Variants in MARCHF1 observed in about 807,000 individuals in gnomAD.
The protein encoded by MARCHF1 is E3 ubiquitin-protein ligase MARCHF1.
MARCHF1 carries 40 observed loss-of-function variants against 54.2 expected under a neutral mutation model. That is an observed-to-expected ratio of 0.74 (90% CI 0.57 to 0.96). The LOEUF is 0.96. MARCHF1 is among the 40% of genes least tolerant of loss of function. The probability of loss-of-function intolerance (pLI) is 0.00; values close to 1 mark genes in which losing one functional copy is unlikely to be tolerated. For synonymous variants in MARCHF1, 236 were observed against 236.3 expected (o/e 1.00, Z 0.01); for missense variants, 586 against 656.5 (o/e 0.89, Z 1.17).
chr4:163,986,838 A>G (rs973071130), intron 3 of MARCHF1, among the ~76,000 whole-genome samples: 1 of 152,214 alleles, frequency 6.6e-6, no homozygotes, highest in African/African-American at 2.4e-5. Context: ...AATTCAGGCC[A>G]AGTAGACATC....
chr4:163,685,217 T>G (rs138459541), intron 5 of MARCHF1, among the ~76,000 whole-genome samples: 1 of 152,148 alleles, frequency 6.6e-6, no homozygotes, highest in Non-Finnish European at 1.5e-5. Context: ...CTTTTTTTTT[T>G]GCATAAAGGT....
chr4:164,015,381 G>A (rs1200606745), intron 2 of MARCHF1, among the ~76,000 whole-genome samples: 1 of 152,056 alleles, frequency 6.6e-6, no homozygotes, highest in African/African-American at 2.4e-5. Flanking sequence ...AACACTCCAG[G>A]ACATTGATGT....
intron 8 of MARCHF1, among the ~76,000 whole-genome samples, chr4:163,548,688 C>T (rs1738994883): frequency 6.6e-6 from 1 of 152,220 alleles, no homozygotes; most frequent in Non-Finnish European, 1.5e-5. Context: ...CTCTTCCTAA[C>T]GACTACATTA....
chr4:163,679,362 G>C (rs1744021348), intron 5 of MARCHF1, among the ~76,000 whole-genome samples: 1 of 152,102 alleles, frequency 6.6e-6, no homozygotes, highest in East Asian at 1.9e-4. Context: ...CCTGTCTAGA[G>C]CCTACTGCCA....
intron 3 of MARCHF1, among the ~76,000 whole-genome samples, chr4:163,889,284 A>T (rs1750603749): frequency 6.6e-6 from 1 of 152,162 alleles, no homozygotes; most frequent in Admixed American, 6.5e-5. Flanking sequence ...CAAAGTAGAT[A>T]TTCTTTTCAT....
rs1313982666 is a variant in MARCHF1, at chr4:163,525,664, C to T, written c.*3084G>A. 6.6e-6 allele frequency: 1 copy of T among 151,736 alleles called. No individual in the cohort carries two copies. Among genetic ancestry groups the T allele is most frequent in the Non-Finnish European group, 1.5e-5 (1 of 67,934 alleles). The allele number at this position is 151,736 out of a possible 1,614,324, so 9.4% of individuals were successfully genotyped here. On this transcript the variant is annotated 3_prime_UTR_variant, in exon 10 of 10. Coordinates refer to ENST00000514618, the MANE Select transcript of MARCHF1 (RefSeq NM_001394959.1). ...CTGAAGATTCATGATTATAAAGAGCCAAGGTTTTTAACACAACTGTAATTT... is the reference window on the plus strand; with the variant it reads ...CTGAAGATTCATGATTATAAAGAGCTAAGGTTTTTAACACAACTGTAATTT...
At chr4:164,054,173 A>T (rs1468214166) in intron 2 of MARCHF1, among the ~76,000 whole-genome samples, 2 of 151,640 alleles carry the variant, frequency 1.3e-5, no homozygotes, top group African/African-American at 4.8e-5. Context: ...CACATGAAAA[A>T]ATGCTCACCA....
intron 5 of MARCHF1, among the ~76,000 whole-genome samples, chr4:163,614,685 A>C (rs757497739): frequency 1.3e-5 from 2 of 152,034 alleles, no homozygotes; most frequent in Non-Finnish European, 2.9e-5. Context: ...CAAATATCTC[A>C]ACATCCTAAT....
chr4:164,084,907 T>C (rs143934885), intron 2 of MARCHF1, among the ~76,000 whole-genome samples: 1 of 151,750 alleles, frequency 6.6e-6, no homozygotes, highest in Admixed American at 6.6e-5. Flanking sequence ...AAGCTGATGA[T>C]TTTTTTAAAA....
At chr4:163,995,578 A>G (rs1753060432) in intron 2 of MARCHF1, among the ~76,000 whole-genome samples, 1 of 152,096 alleles carries the variant, frequency 6.6e-6, no homozygotes. Context: ...AGTATGCAAA[A>G]AAGACATCAC....
At chr4:164,227,083 A>C (rs1732280383) in intron 1 of MARCHF1, among the ~76,000 whole-genome samples, 2 of 152,072 alleles carry the variant, frequency 1.3e-5, no homozygotes, top group African/African-American at 4.8e-5. Flanking sequence ...AAGAAGGTTG[A>C]ATTAGTCTAG....
intron 2 of MARCHF1, among the ~76,000 whole-genome samples, chr4:164,075,126 G>C (rs1185589652): frequency 6.6e-6 from 1 of 151,972 alleles, no homozygotes; most frequent in Non-Finnish European, 1.5e-5. Flanking sequence ...TTTTCTATTT[G>C]AATCATCTAT....
intron 5 of MARCHF1, among the ~76,000 whole-genome samples, chr4:163,642,699 C>G (rs1416365876): frequency 1.3e-5 from 2 of 152,066 alleles, no homozygotes; most frequent in Non-Finnish European, 2.9e-5. Flanking sequence ...GTTTGTTCCT[C>G]CAGAACTCCA....
intron 9 of MARCHF1, among the ~76,000 whole-genome samples, chr4:163,541,844 C>T (rs1451642140): frequency 1.3e-5 from 2 of 152,162 alleles, no homozygotes; most frequent in African/African-American, 4.8e-5. Context: ...CCCAATGCCA[C>T]AGGAAGATTA....
chr4:164,251,314 A>T (rs377171310), intron 1 of MARCHF1, among the ~76,000 whole-genome samples: 5 of 152,260 alleles, frequency 3.3e-5, no homozygotes, highest in East Asian at 1.9e-4. Flanking sequence ...TCAAAGTCAC[A>T]TTGTTTTACT....
intron 2 of MARCHF1, among the ~76,000 whole-genome samples, chr4:164,066,029 C>A (rs544511017): frequency 4.6e-5 from 7 of 152,292 alleles, no homozygotes; most frequent in South Asian, 2.1e-4. Context: ...CCTCTGGAAA[C>A]ACCCTCACAG....
At chr4:164,119,784 A>C (rs1756025302) in intron 1 of MARCHF1, among the ~76,000 whole-genome samples, 1 of 151,952 alleles carries the variant, frequency 6.6e-6, no homozygotes, top group Non-Finnish European at 1.5e-5. Context: ...CAATTTACAA[A>C]AGTTGTCCAC....
intron 1 of MARCHF1, among the ~76,000 whole-genome samples, chr4:164,359,453 A>T (rs1019289859): frequency 6.6e-6 from 1 of 152,176 alleles, no homozygotes; most frequent in Non-Finnish European, 1.5e-5. Flanking sequence ...GAGAAGAGAG[A>T]CATTTCCTAT....
chr4:163,874,533 G>T (rs2111227152), intron 3 of MARCHF1, among the ~76,000 whole-genome samples: 1 of 152,204 alleles, frequency 6.6e-6, no homozygotes, highest in South Asian at 2.1e-4. Context: ...TAGATAGCCT[G>T]CTAGCTATCA....
Sources: gnomAD v4.1 joint callset for allele counts (sites outside exome capture counted in the v4.1 genomes callset) on GRCh38, gnomAD v4.1.1 for gene constraint, MANE v1.5 for transcripts, NCBI Gene and HGNC (gene_info 2026-07-23, HGNC 2026-07-21) for gene names.